The following N4BP2L2 variants were observed in gnomAD, a reference collection of about 807,000 sequenced individuals.
The protein encoded by N4BP2L2 is NEDD4 binding protein 2 like 2, also known as NEDD4-binding protein 2-like 2.
A neutral mutation model predicts 56.2 loss-of-function variants in N4BP2L2; 50 were observed. That is an observed-to-expected ratio of 0.89 (90% CI 0.71 to 1.13). The LOEUF (loss-of-function observed/expected upper bound fraction) is 1.13. Among genes scored for constraint, N4BP2L2 ranks in the 50% most tolerant of loss-of-function variants. The pLI is 0.00. For synonymous variants in N4BP2L2, 203 were observed against 223.6 expected (o/e 0.91, Z 0.82); for missense variants, 689 against 693.8 (o/e 0.99, Z 0.08).
intron 6 of N4BP2L2, among the ~76,000 whole-genome samples, chr13:32,469,814 A>C (rs2081969304): frequency 6.6e-6 from 1 of 152,208 alleles, no homozygotes; most frequent in Non-Finnish European, 1.5e-5. Flanking sequence ...TGGGAGAAGG[A>C]TGTTACTGTA....
At chr13:32,475,861 A>G (rs909024241) in intron 6 of N4BP2L2, among the ~76,000 whole-genome samples, 1 of 152,184 alleles carries the variant, frequency 6.6e-6, no homozygotes, top group African/African-American at 2.4e-5. Context: ...GAAGACAGAT[A>G]AGAAAAATAC....
intron 2 of N4BP2L2, among the ~76,000 whole-genome samples, chr13:32,533,378 A>G (rs1681136402): frequency 6.6e-6 from 1 of 152,096 alleles, no homozygotes; most frequent in African/African-American, 2.4e-5. Context: ...AATACTTACA[A>G]TGTTAGAGAC....
chr13:32,517,539 G>C, exon 6 of N4BP2L2: 1 of 1,178,890 alleles, frequency 8.5e-7, no homozygotes, highest in Non-Finnish European at 1.1e-6. Flanking sequence ...AAACATCCTA[G>C]CTCCTACCCA....
chr13:32,435,316 C>T (rs985037605), intron 9 of N4BP2L2, among the ~76,000 whole-genome samples: 4 of 152,152 alleles, frequency 2.6e-5, no homozygotes, highest in African/African-American at 9.7e-5. Context: ...TCACCACAAC[C>T]TCTGCCTCCC....
intron 6 of N4BP2L2, among the ~76,000 whole-genome samples, chr13:32,497,422 G>A (rs1420793492): frequency 1.3e-5 from 2 of 152,218 alleles, no homozygotes; most frequent in Non-Finnish European, 2.9e-5. Flanking sequence ...AACCTGGACA[G>A]CTGAAATGAT....
intron 6 of N4BP2L2, among the ~76,000 whole-genome samples, chr13:32,453,227 G>A (rs906704750): frequency 3.9e-5 from 6 of 152,200 alleles, no homozygotes; most frequent in Non-Finnish European, 5.9e-5. Flanking sequence ...CTGCACTCCA[G>A]CCTGGGTGAC....
chr13:32,464,432 T>C (rs575738531), intron 6 of N4BP2L2, among the ~76,000 whole-genome samples: 1 of 152,068 alleles, frequency 6.6e-6, no homozygotes, highest in South Asian at 2.1e-4. Flanking sequence ...TCCAACAGAG[T>C]TGTTGCAACA....
chr13:32,518,391 A>T (rs1377749454), intron 5 of N4BP2L2, among the ~76,000 whole-genome samples: 1 of 152,212 alleles, frequency 6.6e-6, no homozygotes, highest in Non-Finnish European at 1.5e-5. Flanking sequence ...CACTTTTTAG[A>T]AGTTATTTAT....
intron 2 of N4BP2L2, among the ~76,000 whole-genome samples, chr13:32,534,169 T>C (rs1462854466): frequency 6.6e-6 from 1 of 152,208 alleles, no homozygotes; most frequent in Non-Finnish European, 1.5e-5. Context: ...TTGTGAATCA[T>C]AATACGAATG....
At chr13:32,464,589 T>C (rs1478111943) in intron 6 of N4BP2L2, among the ~76,000 whole-genome samples, 1 of 152,182 alleles carries the variant, frequency 6.6e-6, no homozygotes, top group African/African-American at 2.4e-5. Context: ...CTTGCATATA[T>C]CAAGGTTTTG....
chr13:32,518,622 T>C (rs754397790), intron 5 of N4BP2L2, among the ~76,000 whole-genome samples: 50 of 152,066 alleles, frequency 3.3e-4, no homozygotes, highest in Non-Finnish European at 6.3e-4. Flanking sequence ...CCCCAAACTA[T>C]GATATTAAGG....
chr13:32,501,203 AT>A (rs2089941831), intron 6 of N4BP2L2, among the ~76,000 whole-genome samples: 1 of 152,078 alleles, frequency 6.6e-6, no homozygotes, highest in South Asian at 2.1e-4. Flanking sequence ...GAAAACTGAC[AT>A]CCCCTCAAAA....
At chr13:32,466,733 C>A (rs906626557) in intron 6 of N4BP2L2, among the ~76,000 whole-genome samples, 1 of 151,740 alleles carries the variant, frequency 6.6e-6, no homozygotes, top group Non-Finnish European at 1.5e-5. Context: ...CTGTGACTAG[C>A]AAGGGTCTTC....
At chr13:32,436,864 CTATTTATTTATTTATT>C (rs71071041) in intron 8 of N4BP2L2, among the ~76,000 whole-genome samples, 1 of 132,866 alleles carries the variant, frequency 7.5e-6, no homozygotes, top group Non-Finnish European at 1.6e-5. Flanking sequence ...TAATATCTAT[CTATTTATTTATTTATT>C]TATTTATTTA....
At chr13:32,479,447 T>C (rs2084096873) in intron 6 of N4BP2L2, among the ~76,000 whole-genome samples, 1 of 151,632 alleles carries the variant, frequency 6.6e-6, no homozygotes, top group African/African-American at 2.4e-5. Context: ...TTGTTTTTTT[T>C]TGTTTTTGTA....
intron 3 of N4BP2L2, among the ~76,000 whole-genome samples, chr13:32,525,957 A>G (rs1225644425): frequency 6.7e-6 from 1 of 149,750 alleles, no homozygotes; most frequent in Non-Finnish European, 1.5e-5. Context: ...GACAGAGGGA[A>G]GAGGTTGTCC....
chr13:32,443,094 T>G (rs2076595489), exon 7 of N4BP2L2: 1 of 1,606,140 alleles, frequency 6.2e-7, no homozygotes, highest in Non-Finnish European at 8.5e-7. Flanking sequence ...TATTTTTTGT[T>G]GATTCTAAGG....
chr13:32,535,292 T>C (rs2056257945), intron 2 of N4BP2L2, among the ~76,000 whole-genome samples: 1 of 152,220 alleles, frequency 6.6e-6, no homozygotes, highest in Non-Finnish European at 1.5e-5. Flanking sequence ...GAGTCCAACT[T>C]TCCTTGAACA....
chr13:32,518,126 C>A (rs1414841164), intron 5 of N4BP2L2, 123 bp from the exon 6 acceptor site: 2 of 859,742 alleles, frequency 2.3e-6, no homozygotes, highest in East Asian at 2.7e-5. Flanking sequence ...ATATATATTT[C>A]ATCTGTCCAC....
Sources: gnomAD v4.1 joint callset for allele counts (sites outside exome capture counted in the v4.1 genomes callset) on GRCh38, gnomAD v4.1.1 for gene constraint, MANE v1.5 for transcripts, NCBI Gene and HGNC (gene_info 2026-07-23, HGNC 2026-07-21) for gene names.